The following GRM7 variants were observed in gnomAD, a reference collection of about 807,000 sequenced individuals.
GRM7 encodes the protein metabotropic glutamate receptor 7.
A neutral mutation model predicts 84.5 loss-of-function variants in GRM7; 35 were observed. The observed-to-expected ratio is 0.41, with a 90% CI of 0.32 to 0.55. The LOEUF is 0.55. Among genes scored for constraint, GRM7 ranks in the 20% least tolerant of loss-of-function variants. The pLI is 0.19. For synonymous variants in GRM7, 487 were observed against 455.1 expected (o/e 1.07, Z -0.89); for missense variants, 1,003 against 1,194.6 (o/e 0.84, Z 2.36).
intron 5 of GRM7, among the ~76,000 whole-genome samples, chr3:7,421,022 A>T (rs1250626642): frequency 6.6e-6 from 1 of 152,166 alleles, no homozygotes; most frequent in African/African-American, 2.4e-5. Flanking sequence ...CATAAAAGGT[A>T]ATTATATTTC....
intron 4 of GRM7, among the ~76,000 whole-genome samples, chr3:7,367,967 A>ACAG (rs1312564308): frequency 7.5e-5 from 1 of 13,376 alleles, no homozygotes; most frequent in Non-Finnish European, 1.3e-4. Flanking sequence ...AAAATCAACA[A>ACAG]CAACAACAAC....
intron 8 of GRM7, among the ~76,000 whole-genome samples, chr3:7,582,804 C>T (rs111318078): frequency 0.037 from 5,627 of 152,136 alleles, 153 homozygotes; most frequent in Non-Finnish European, 0.054. Context: ...TCATGGTCAC[C>T]CCCTGAGGAA....
rs141029901 is a variant in GRM7, at chr3:7,454,081, T to TACACACACACAC, written c.1375+1284_1375+1285insACACACACACAC. 9.4e-3 allele frequency among the ~76,000 whole-genome samples: 1,342 copies of TACACACACACAC among 142,656 alleles called. 12 individuals are homozygous for TACACACACACAC. The highest frequency in any genetic ancestry group is 0.021 in the South Asian group (92 of 4,282). The allele number at this position is 142,656 out of a possible 152,430, so 93.6% of individuals were successfully genotyped here. A position where few individuals can be genotyped will look rare whatever the true frequency, so the allele number is the denominator to read the frequency against. On this transcript the variant is annotated intron_variant, in intron 6 of 9. Transcript: ENST00000357716. Reference sequence around the variant, plus strand: ...GAGCCAAGAACCATACATGAAAAGCTACACACACACTCTCTCTCTCTCTCT... The same window carrying TACACACACACAC: ...GAGCCAAGAACCATACATGAAAAGCTACACACACACACACACACACACTCTCTCTCTCTCTCT...
intron 1 of GRM7, among the ~76,000 whole-genome samples, chr3:7,046,418 C>T (rs1252932971): frequency 6.6e-6 from 1 of 152,108 alleles, no homozygotes; most frequent in South Asian, 2.1e-4. Flanking sequence ...ATTTCTTCAA[C>T]ATGGAAAACC....
chr3:7,376,708 T>A (rs1349978990), intron 4 of GRM7, among the ~76,000 whole-genome samples: 1 of 152,226 alleles, frequency 6.6e-6, no homozygotes, highest in Admixed American at 6.5e-5. Flanking sequence ...TACAATATTG[T>A]ACAAGAGACC....
intron 4 of GRM7, among the ~76,000 whole-genome samples, chr3:7,343,531 G>C (rs917080308): frequency 2.0e-5 from 3 of 151,934 alleles, no homozygotes; most frequent in African/African-American, 7.3e-5. Context: ...ATATTTATTT[G>C]CATACTATGG....
At chr3:7,478,360 G>C (rs1019340877) in intron 7 of GRM7, among the ~76,000 whole-genome samples, 5 of 152,070 alleles carry the variant, frequency 3.3e-5, no homozygotes, top group African/African-American at 1.2e-4. Context: ...TACTCACTGG[G>C]TAATTGCTCA....
At chr3:7,723,525 C>G (rs1382720694) in intron 9 of GRM7, among the ~76,000 whole-genome samples, 1 of 152,120 alleles carries the variant, frequency 6.6e-6, no homozygotes. Context: ...TAAGGAAAGG[C>G]TATAACCCCA....
chr3:7,693,860 A>G (rs1559491777), intron 9 of GRM7, among the ~76,000 whole-genome samples: 1 of 152,166 alleles, frequency 6.6e-6, no homozygotes, highest in Non-Finnish European at 1.5e-5. Context: ...AATTAAGGAA[A>G]TTGCACTAAA....
At chr3:6,864,855 G>A (rs1247234600) in intron 1 of GRM7, among the ~76,000 whole-genome samples, 1 of 152,176 alleles carries the variant, frequency 6.6e-6, no homozygotes, top group African/African-American at 2.4e-5. Flanking sequence ...ATTTGGACCT[G>A]GGCAAGAATG....
At chr3:7,569,871 A>T (rs1302485998) in intron 7 of GRM7, among the ~76,000 whole-genome samples, 1 of 151,768 alleles carries the variant, frequency 6.6e-6, no homozygotes, top group Non-Finnish European at 1.5e-5. Context: ...GAAGGAACAA[A>T]CTCCGGACAC....
At chr3:7,203,930 A>G (rs1301574234) in intron 2 of GRM7, among the ~76,000 whole-genome samples, 2 of 152,226 alleles carry the variant, frequency 1.3e-5, no homozygotes, top group African/African-American at 4.8e-5. Flanking sequence ...AAATTTAACT[A>G]TGTTAAGAGT....
At chr3:7,227,155 G>T (rs771910258) in intron 2 of GRM7, among the ~76,000 whole-genome samples, 23 of 152,154 alleles carry the variant, frequency 1.5e-4, no homozygotes, top group Non-Finnish European at 2.8e-4. Flanking sequence ...AGTCTTACTT[G>T]AATGTAATAT....
intron 8 of GRM7, among the ~76,000 whole-genome samples, chr3:7,581,360 G>A (rs3804900): frequency 0.23 from 34,614 of 152,052 alleles, 4,811 homozygotes; most frequent in Non-Finnish European, 0.29. Flanking sequence ...TAGAAGGCAC[G>A]TAATTTTCTT....
At chr3:7,618,201 G>C (rs946126166) in intron 8 of GRM7, among the ~76,000 whole-genome samples, 1 of 152,120 alleles carries the variant, frequency 6.6e-6, no homozygotes, top group Non-Finnish European at 1.5e-5. Flanking sequence ...GCATAAAGAA[G>C]CTGGGGGTTT....
intron 1 of GRM7, among the ~76,000 whole-genome samples, chr3:6,955,729 C>A (rs764366048): frequency 2.0e-4 from 31 of 151,602 alleles, no homozygotes; most frequent in Non-Finnish European, 3.8e-4. Context: ...GTAATCCCAG[C>A]CACTTGGGAG....
intron 7 of GRM7, among the ~76,000 whole-genome samples, chr3:7,533,810 C>A (rs887091583): frequency 6.6e-6 from 1 of 152,136 alleles, no homozygotes; most frequent in Non-Finnish European, 1.5e-5. Flanking sequence ...TGCCAACTTT[C>A]CCTAATTCAA....
chr3:7,607,870 C>T (rs1381901013), intron 8 of GRM7: 1 of 158,816 alleles, frequency 6.3e-6, no homozygotes, highest in Non-Finnish European at 1.4e-5. Context: ...ACCTTTCCTG[C>T]TCCTCTCCTT....
At chr3:7,077,897 A>G (rs1421376383) in intron 1 of GRM7, among the ~76,000 whole-genome samples, 1 of 152,192 alleles carries the variant, frequency 6.6e-6, no homozygotes, top group East Asian at 1.9e-4. Context: ...ATATGACAAT[A>G]CAGTGCTATG....
Sources: gnomAD v4.1 joint callset for allele counts (sites outside exome capture counted in the v4.1 genomes callset) on GRCh38, gnomAD v4.1.1 for gene constraint, MANE v1.5 for transcripts, NCBI Gene and HGNC (gene_info 2026-07-23, HGNC 2026-07-21) for gene names.